ZFHX3: variants seen among roughly 807,000 people sequenced by gnomAD.
The protein encoded by ZFHX3 is zinc finger homeobox 3.
In ZFHX3, 42 loss-of-function variants were observed where a neutral mutation model predicts 279.1. The ratio of observed to expected loss-of-function variants is 0.15; its 90% confidence interval spans 0.12 to 0.19. ZFHX3 has a LOEUF of 0.19. Among genes scored for constraint, ZFHX3 ranks in the 10% least tolerant of loss-of-function variants. The pLI is 1.00. For missense variants in ZFHX3, 4,981 were observed against 4,754.0 expected, an observed-to-expected ratio of 1.05 and a Z score of -1.40; for synonymous variants, 2,293 against 1,957.8, an observed-to-expected ratio of 1.17 and a Z score of -4.52.
chr16:73,555,803 G>A (rs1195864996), intron 2 of ZFHX3, among the ~76,000 whole-genome samples: 1 of 150,718 alleles, frequency 6.6e-6, no homozygotes, highest in Non-Finnish European at 1.5e-5. Context: ...CTGTACTCCA[G>A]CCTAGGCAAC....
intron 7 of ZFHX3, among the ~76,000 whole-genome samples, chr16:73,126,436 T>G (rs1279850316): frequency 6.6e-6 from 1 of 152,062 alleles, no homozygotes; most frequent in Non-Finnish European, 1.5e-5. Context: ...ACTGAAGTAC[T>G]GGATGTGTCA....
chr16:73,578,927 C>G (rs2051828295), intron 2 of ZFHX3, among the ~76,000 whole-genome samples: 1 of 152,090 alleles, frequency 6.6e-6, no homozygotes, highest in South Asian at 2.1e-4. Context: ...CAGGGGCATT[C>G]CAAATTTAAG....
At chr16:73,397,443 G>C (rs974906172) in intron 3 of ZFHX3, among the ~76,000 whole-genome samples, 3 of 152,012 alleles carry the variant, frequency 2.0e-5, no homozygotes, top group African/African-American at 4.8e-5. Context: ...GAAGCCACTA[G>C]GGTGTTTTAA....
intron 1 of ZFHX3, among the ~76,000 whole-genome samples, chr16:73,817,259 G>C (rs1469855064): frequency 6.6e-6 from 1 of 152,116 alleles, no homozygotes; most frequent in Non-Finnish European, 1.5e-5. Context: ...TAAGGAACAG[G>C]GCCAGTGATT....
At chr16:72,937,977 A>G (rs60937844) in intron 3 of ZFHX3, among the ~76,000 whole-genome samples, 18,054 of 152,282 alleles carry the variant, frequency 0.12, 1,545 homozygotes, top group African/African-American at 0.24. Context: ...GAAACGGATA[A>G]CCACCTGCTG....
intron 5 of ZFHX3, among the ~76,000 whole-genome samples, chr16:73,231,269 A>G (rs1054877835): frequency 1.3e-5 from 2 of 152,210 alleles, no homozygotes; most frequent in South Asian, 2.1e-4. Flanking sequence ...AAAGCCATCT[A>G]TATCTTGTCG....
intron 4 of ZFHX3, among the ~76,000 whole-genome samples, chr16:72,877,812 A>C (rs905720829): frequency 6.6e-6 from 1 of 152,192 alleles, no homozygotes; most frequent in African/African-American, 2.4e-5. Context: ...CCTGTACTCA[A>C]GGTTGCTGGA....
chr16:73,398,777 T>C (rs113890280), intron 3 of ZFHX3, among the ~76,000 whole-genome samples: 2,910 of 152,312 alleles, frequency 0.019, 90 homozygotes, highest in African/African-American at 0.066. Flanking sequence ...GATCCCATTG[T>C]CTGGGAACTC....
chr16:73,003,620 C>A (rs527984735), intron 1 of ZFHX3, among the ~76,000 whole-genome samples: 1 of 151,062 alleles, frequency 6.6e-6, no homozygotes, highest in Admixed American at 6.6e-5. Flanking sequence ...GCAGGAGAGT[C>A]GCCTGAACCA....
intron 8 of ZFHX3, among the ~76,000 whole-genome samples, chr16:73,087,076 C>G (rs1391296172): frequency 6.6e-6 from 1 of 152,028 alleles, no homozygotes; most frequent in Non-Finnish European, 1.5e-5. Flanking sequence ...TACATGTGCC[C>G]CCCGAAATAG....
At chr16:73,306,230 G>A (rs892766667) in intron 4 of ZFHX3, among the ~76,000 whole-genome samples, 1 of 152,114 alleles carries the variant, frequency 6.6e-6, no homozygotes, top group African/African-American at 2.4e-5. Flanking sequence ...TTTGTTCTTT[G>A]TTCTTCATAT....
intron 2 of ZFHX3, among the ~76,000 whole-genome samples, chr16:73,518,023 G>A (rs183435131): frequency 2.6e-5 from 4 of 152,180 alleles, no homozygotes; most frequent in South Asian, 2.1e-4. Flanking sequence ...CATAATCAAC[G>A]TAAACAAATT....
intron 3 of ZFHX3, among the ~76,000 whole-genome samples, chr16:73,383,440 T>TA (rs2016848535): frequency 1.3e-5 from 2 of 151,846 alleles, no homozygotes; most frequent in South Asian, 4.2e-4. Flanking sequence ...AAATGTAAAA[T>TA]AAAAAACATC....
intron 1 of ZFHX3, among the ~76,000 whole-genome samples, chr16:73,770,334 C>G (rs141240293): frequency 1.3e-5 from 2 of 152,328 alleles, no homozygotes; most frequent in African/African-American, 4.8e-5. Context: ...AGAGAAGACA[C>G]AGATTCTCCC....
rs779380597 is a variant in ZFHX3 at position 73,193,827 on chromosome 16, TAGG to T, written c.-1103-49999_-1103-49997del. ...ATCCTCAGCTGTACAGTGGGGATAA[TAGG>T]AATTCCCATCTGATAAGGATTGTGT... On this transcript the variant is annotated intron_variant, in intron 5 of 17. Coordinates refer to the ZFHX3 transcript ENST00000641206. 8.2e-4 allele frequency among the ~76,000 whole-genome samples: 125 copies of T among 152,298 alleles called. 1 individual carries two copies. Among genetic ancestry groups the T allele is most frequent in the Non-Finnish European group, 1.5e-3 (99 of 68,026 alleles).
At chr16:72,799,984 C>T in intron 8 of ZFHX3, 43 bp downstream of exon 8, 1 of 1,569,230 alleles carries the variant, frequency 6.4e-7, no homozygotes, top group African/African-American at 1.3e-5. Context: ...TTTGGCATTC[C>T]ATCTTGTTTC....
chr16:73,256,927 A>G (rs2013676830), intron 5 of ZFHX3: 1 of 152,146 alleles, frequency 6.6e-6, no homozygotes, highest in African/African-American at 2.4e-5. Flanking sequence ...ATACTATCTA[A>G]ATTATAATAT....
chr16:73,287,943 C>T (rs2014671687), intron 4 of ZFHX3, among the ~76,000 whole-genome samples: 1 of 152,008 alleles, frequency 6.6e-6, no homozygotes, highest in African/African-American at 2.4e-5. Flanking sequence ...ACAAACATCC[C>T]CATTCAGGAG....
In ZFHX3 at chr16:73,223,868, TA is replaced by T. The variant is rs905225415; in HGVS notation, c.-1104+33178del. ...CAGACAATGGGACATTATTCAGTGC[TA>T]AAAAGGAACACACTATCAACATAAA... is the stretch of plus-strand genomic sequence containing the variant. On this transcript the variant is annotated intron_variant, in intron 5 of 17. Transcript: ENST00000641206. Among the ~76,000 whole-genome samples, 17 of 152,240 alleles carry T rather than the reference TA, an allele frequency of 1.1e-4. 1 individual carries two copies. Among genetic ancestry groups the T allele is most frequent in the Non-Finnish European group, 2.1e-4 (14 of 68,016 alleles).
Sources: gnomAD v4.1 joint callset for allele counts (sites outside exome capture counted in the v4.1 genomes callset) on GRCh38, gnomAD v4.1.1 for gene constraint, MANE v1.5 for transcripts, NCBI Gene and HGNC (gene_info 2026-07-23, HGNC 2026-07-21) for gene names.